DGKD: variants seen among roughly 807,000 people sequenced by gnomAD.
The protein encoded by DGKD is diacylglycerol kinase delta.
In DGKD, 68 loss-of-function variants were observed where a neutral mutation model predicts 154.4. The observed-to-expected ratio is 0.44, with a 90% CI of 0.36 to 0.54. DGKD has a LOEUF of 0.54. DGKD is among the 20% of genes least tolerant of loss of function. The pLI is 0.00. For synonymous variants in DGKD, 693 were observed against 638.0 expected (o/e 1.09, Z -1.30); for missense variants, 1,343 against 1,593.6 (o/e 0.84, Z 2.68).
At chr2:233,463,363 ACCTCACTCCACACATCT>A (rs1559183408) in intron 26 of DGKD, among the ~76,000 whole-genome samples, 3,678 of 133,422 alleles carry the variant, frequency 0.028, 72 homozygotes, top group Middle Eastern at 0.056. Flanking sequence ...TCCACACATC[ACCTCACTCCACACATCT>A]CCTCACTCCA....
chr2:233,438,409 G>A lies in DGKD; in HGVS notation c.1085+30G>A, dbSNP rs2062769383. ...GAAGCTTGTAAAATATATCTTTCTT[G>A]GAGTTTTAAAAATTGTGTAGATAGT... On this transcript the variant is annotated intron_variant, in intron 9 of 29. Coordinates refer to ENST00000264057, the MANE Select transcript of DGKD (RefSeq NM_152879.3). This position sits in a 1 kb window ranked among gnomAD's most constrained non-coding sequence, Gnocchi z 4.1. 6.3e-7 allele frequency: 1 copy of A among 1,576,894 alleles called. No homozygotes were observed. The highest frequency in any genetic ancestry group is 8.6e-7 in the Non-Finnish European group (1 of 1,159,964).
intron 3 of DGKD, among the ~76,000 whole-genome samples, chr2:233,421,984 TG>T (rs201369722): frequency 1.3e-5 from 2 of 151,208 alleles, no homozygotes; most frequent in African/African-American, 4.9e-5. Flanking sequence ...CTTGGGAGGT[TG>T]GGGGGATGGG....
Position 233,434,801 on chromosome 2 carries a change from G to C in DGKD, c.486G>C (p.Gly162=), listed in dbSNP as rs1334566792. 1.2e-6 allele frequency: 2 copies of C among 1,614,194 alleles called. No homozygotes were observed. The highest frequency in any genetic ancestry group is 4.5e-5 in the East Asian group (2 of 44,890). The change falls in exon 5 of 30, where the codon GGG becomes GGC. Residue 162 remains glycine, a synonymous_variant. Coordinates refer to ENST00000264057, the MANE Select transcript of DGKD (RefSeq NM_152879.3). The stretch of plus-strand genomic sequence containing the variant: ...AGTACAGCATGGACCACTTCTCAGG[G>C]ATGCACAATTGGTACGCCTGTTCCC... ...PTQYSMDHFS[G]MHNWYACSHA... is the part of the protein sequence containing the mutation.
rs189705564 is a variant in DGKD, at chr2:233,437,773, G to C, written c.922+294G>C. Among the ~76,000 whole-genome samples, 15 of 152,340 alleles carry C rather than the reference G, an allele frequency of 9.8e-5. No individual in the cohort carries two copies. The East Asian group carries it at 2.5e-3, about 25-fold the overall frequency. ...AGACCCGAGCCTGGCACTTGACGTG[G>C]AGGTGATGCTGTTGAGTGCAACCCA... is the stretch of plus-strand genomic sequence containing the variant. On this transcript the variant is annotated intron_variant, in intron 8 of 29. Coordinates refer to ENST00000264057, the MANE Select transcript of DGKD (RefSeq NM_152879.3).
At chr2:233,417,869 C>T (rs929597291) in intron 3 of DGKD, among the ~76,000 whole-genome samples, 1 of 152,086 alleles carries the variant, frequency 6.6e-6, no homozygotes, top group African/African-American at 2.4e-5. Context: ...CTGCTGACAC[C>T]TAGTTGGTAA....
intron 10 of DGKD, chr2:233,442,238 C>T (rs1021486346): frequency 3.2e-6 from 2 of 630,038 alleles, no homozygotes; most frequent in Non-Finnish European, 6.0e-6. Context: ...AAGGGAGCTA[C>T]GAAAAGAATT....
intron 1 of DGKD, among the ~76,000 whole-genome samples, chr2:233,377,078 C>CTTTTTTTTT (rs755610624): frequency 4.6e-5 from 6 of 129,312 alleles, no homozygotes; most frequent in African/African-American, 1.5e-4. Flanking sequence ...TAGCATGTTC[C>CTTTTTTTTT]TTTTTTTTTT....
intron 1 of DGKD, among the ~76,000 whole-genome samples, chr2:233,376,960 A>C (rs528833271): frequency 6.6e-6 from 1 of 150,788 alleles, no homozygotes; most frequent in African/African-American, 2.4e-5. Context: ...CATTTTTATT[A>C]TTATTTTGGT....
intron 3 of DGKD, among the ~76,000 whole-genome samples, chr2:233,395,314 G>A (rs555903995): frequency 6.6e-6 from 1 of 152,244 alleles, no homozygotes; most frequent in Admixed American, 6.5e-5. Context: ...GGGACTCCAG[G>A]CACATGTGAC....
In DGKD at chr2:233,471,977, T is replaced by C. The variant is rs528832393; in HGVS notation, c.*2517T>C. On this transcript the variant is annotated 3_prime_UTR_variant, in exon 30 of 30. Transcript: ENST00000264057. ...TACCCCCTCGTATTTATAATCTTAA[T>C]TTATATAGTGACCACCGTGGAAACA... is the stretch of plus-strand genomic sequence containing the variant. 5 of 152,436 alleles carry C rather than the reference T, an allele frequency of 3.3e-5. No individual in the cohort carries two copies. In the East Asian group the frequency reaches 9.4e-4, roughly 29 times the overall value. 9.4% of individuals were successfully genotyped at this position (152,436 alleles called of 1,614,324 possible). A position where few individuals can be genotyped will look rare whatever the true frequency, so the allele number is the denominator to read the frequency against.
intron 3 of DGKD, among the ~76,000 whole-genome samples, chr2:233,425,776 C>CCAGTCTCTACCAGCCTTATATTG (rs2062277105): frequency 6.6e-6 from 1 of 152,150 alleles, no homozygotes; most frequent in Non-Finnish European, 1.5e-5. Flanking sequence ...ATTACTGTAG[C>CCAGTCTCTACCAGCCTTATATTG]CAGTCTCTAC....
intron 24 of DGKD, among the ~76,000 whole-genome samples, chr2:233,461,142 G>C (rs1214394732): frequency 6.6e-6 from 1 of 151,960 alleles, no homozygotes; most frequent in Non-Finnish European, 1.5e-5. Context: ...CCTGCTCCTC[G>C]CCCGCCAGGT....
At chr2:233,373,386 A>G (rs1028581055) in intron 1 of DGKD, among the ~76,000 whole-genome samples, 2 of 152,144 alleles carry the variant, frequency 1.3e-5, no homozygotes, top group Non-Finnish European at 2.9e-5. Flanking sequence ...GCTTGCCTGC[A>G]TTTTCTAAAA....
At chr2:233,464,321 C>T (rs1378526032) in intron 27 of DGKD, 38 bp downstream of exon 27, 6 of 1,606,574 alleles carry the variant, frequency 3.7e-6, no homozygotes, top group South Asian at 1.1e-5. Flanking sequence ...GTCTCCCGGA[C>T]ATGGTGGCTC....
chr2:233,358,916 A>G (rs957462986), intron 1 of DGKD, among the ~76,000 whole-genome samples: 1 of 152,210 alleles, frequency 6.6e-6, no homozygotes, highest in Non-Finnish European at 1.5e-5. Context: ...CTATACACCT[A>G]GGAGTGGAAG....
intron 6 of DGKD, 120 bp from the exon 7 acceptor site, chr2:233,436,196 T>C: frequency 6.6e-7 from 1 of 1,508,836 alleles, no homozygotes; most frequent in South Asian, 1.2e-5. Flanking sequence ...TCACTGGCCA[T>C]CAGGGAAGGA....
chr2:233,447,518 A>T (rs540586514), intron 12 of DGKD: 138 of 984,736 alleles, frequency 1.4e-4, no homozygotes, highest in South Asian at 1.2e-3. Flanking sequence ...TCCTTTTTTT[A>T]AAAAAAAATT....
Position 233,390,388 on chromosome 2 carries a change from T to A in DGKD, c.268-15T>A. The A allele has an allele frequency of 6.2e-7, 1 of 1,611,602 alleles. No individual in the cohort carries two copies. Reference sequence around the variant, plus strand: ...GTCTTTATGTGCCTTAGTCCCTGTGTTTGTCTCTTTCTAGTCAATCATATT... The same window carrying A: ...GTCTTTATGTGCCTTAGTCCCTGTGATTGTCTCTTTCTAGTCAATCATATT... On this transcript the variant is annotated splice_polypyrimidine_tract_variant and intron_variant, in intron 2 of 29. Coordinates refer to ENST00000264057, the MANE Select transcript of DGKD (RefSeq NM_152879.3).
Position 233,354,577 on chromosome 2 carries a change from C to G in DGKD, c.59C>G (p.Pro20Arg), listed in dbSNP as rs1394404755. 9.2e-7 allele frequency: 1 copy of G among 1,084,522 alleles called. No individual in the cohort carries two copies. The highest frequency in any genetic ancestry group is 1.7e-5 in the African/African-American group (1 of 58,362). The allele number at this position is 1,084,522 out of a possible 1,614,324, so 67.2% of individuals were successfully genotyped here. The stretch of plus-strand genomic sequence containing the variant: ...CCCCCGCAACCGCCTCCGCCGCCGC[C>G]GCCCGAGGAGTCGTCCGACAGCGAG... ...PGPPQPPPPP[P>R]PEESSDSEPE... Residue 20 changes from proline to arginine, a missense_variant, in exon 1 of 30, where the codon CCG (proline) becomes CGG (arginine). By Grantham distance (103) the Pro-to-Arg change is moderately radical. Coordinates refer to ENST00000264057, the MANE Select transcript of DGKD (RefSeq NM_152879.3). The surrounding 1 kb of genome is among the most constrained non-coding windows in gnomAD (Gnocchi z 4.8).
Sources: gnomAD v4.1 joint callset for allele counts (sites outside exome capture counted in the v4.1 genomes callset) on GRCh38, gnomAD v4.1.1 for gene constraint, Gnocchi (gnomAD v3.1) non-coding constraint, MANE v1.5 for transcripts, NCBI Gene and HGNC (gene_info 2026-07-23, HGNC 2026-07-21) for gene names.